WASHC5: variants seen among roughly 807,000 people sequenced by gnomAD.
The protein encoded by WASHC5 is WASH complex subunit strumpellin.
A neutral mutation model predicts 150.4 loss-of-function variants in WASHC5; 101 were observed. The ratio of observed to expected loss-of-function variants is 0.67; its 90% confidence interval spans 0.57 to 0.79. The LOEUF (loss-of-function observed/expected upper bound fraction) is 0.79. Ranked by LOEUF, WASHC5 falls within the 30% of genes least tolerant of loss-of-function variation. The probability of loss-of-function intolerance (pLI) is 0.00; values close to 1 mark genes in which losing one functional copy is unlikely to be tolerated. For missense variants in WASHC5, 1,195 were observed against 1,396.3 expected, an observed-to-expected ratio of 0.86 and a Z score of 2.30; for synonymous variants, 467 against 491.2, an observed-to-expected ratio of 0.95 and a Z score of 0.65.
rs1367560903 is a variant in WASHC5 at position 125,032,232 on chromosome 8, C to A, written c.3335+9G>T. On this transcript the variant is annotated intron_variant, in intron 27 of 28. Coordinates refer to ENST00000318410, the MANE Select transcript of WASHC5 (RefSeq NM_014846.4). ...GAAGTCCCACGTAGTCCTGGTTGGTCTTCTGTACCTTGTACACTGCTCCAC... is the reference window on the plus strand; with the variant it reads ...GAAGTCCCACGTAGTCCTGGTTGGTATTCTGTACCTTGTACACTGCTCCAC... The A allele has an allele frequency of 1.9e-6, 3 of 1,614,088 alleles. No homozygotes were observed. The Admixed American group carries it at 5.0e-5, about 27-fold the overall frequency.
Position 125,083,847 on chromosome 8 carries a change from T to A in WASHC5, c.52A>T (p.Ile18Phe). ...ATGATGGCATTACCACAGGAAACAA[T>A]CCTTAGGATTGCTTGGCCACAGAGG... ...NNLCGQAILRIVSCGNAIIAE... is the reference protein window; with the variant it reads ...NNLCGQAILRFVSCGNAIIAE... The change falls in exon 2 of 29, where the codon ATT becomes TTT. Residue 18 changes from isoleucine to phenylalanine, a missense_variant. This residue lies in a region of WASHC5 where 195 missense variants were observed against 206.9 expected (regional missense o/e 0.94). Coordinates refer to ENST00000318410, the MANE Select transcript of WASHC5 (RefSeq NM_014846.4). 4 of 1,613,938 alleles carry A rather than the reference T, an allele frequency of 2.5e-6. No individual in the cohort carries two copies. The highest frequency in any genetic ancestry group is 3.4e-6 in the Non-Finnish European group (4 of 1,179,964).
intron 14 of WASHC5, among the ~76,000 whole-genome samples, chr8:125,058,730 AAAAGAAG>A (rs1816494764): frequency 6.6e-6 from 1 of 151,964 alleles, no homozygotes; most frequent in African/African-American, 2.4e-5. Flanking sequence ...CTCAAAAAAA[AAAAGAAG>A]AAGAAGAAGA....
At chr8:125,073,634 T>C (rs1196433516) in intron 8 of WASHC5, among the ~76,000 whole-genome samples, 1 of 152,228 alleles carries the variant, frequency 6.6e-6, no homozygotes, top group Non-Finnish European at 1.5e-5. Flanking sequence ...ATATGGACTA[T>C]AGTTCTAGGG....
chr8:125,029,145 C>T lies in WASHC5; in HGVS notation c.3336-438G>A, dbSNP rs141411953. On this transcript the variant is annotated intron_variant, in intron 27 of 28. Transcript: ENST00000318410. Reference sequence around the variant, plus strand: ...CTCCCGGGTTCAAGTGATTCTCCAGCCTCAGCCTCCCGACTGGCTGGGATT... The same window carrying T: ...CTCCCGGGTTCAAGTGATTCTCCAGTCTCAGCCTCCCGACTGGCTGGGATT... Among the ~76,000 whole-genome samples the T allele has an allele frequency of 4.0e-3, 607 of 152,106 alleles. 3 individuals are homozygous for T. The highest frequency in any genetic ancestry group is 0.014 in the African/African-American group (574 of 41,482).
In WASHC5 at chr8:125,083,703, G is replaced by A. The variant is rs1441180820; in HGVS notation, c.186+10C>T. Reference sequence around the variant, plus strand: ...AAGACAACAATAAAAATGCTATAGAGGAAGATTACCTTAAAATAGCTGAAA... The same window carrying A: ...AAGACAACAATAAAAATGCTATAGAAGAAGATTACCTTAAAATAGCTGAAA... On this transcript the variant is annotated intron_variant, in intron 2 of 28. Coordinates refer to ENST00000318410, the MANE Select transcript of WASHC5 (RefSeq NM_014846.4). 6.3e-7 allele frequency: 1 copy of A among 1,596,760 alleles called. No individual in the cohort carries two copies. Among genetic ancestry groups the A allele is most frequent in the Non-Finnish European group, 8.6e-7 (1 of 1,165,448 alleles).
chr8:125,063,661 C>T lies in WASHC5; in HGVS notation c.1279-10G>A, dbSNP rs1473105724. On this transcript the variant is annotated splice_polypyrimidine_tract_variant and intron_variant, in intron 10 of 28. Transcript: ENST00000318410. ...GCATTTGCTTGAACATCTGTTGAAG[C>T]AACAGAAAATATTTATTTACTTAAG... is the stretch of plus-strand genomic sequence containing the variant. 6.2e-7 allele frequency: 1 copy of T among 1,612,756 alleles called. No individual in the cohort carries two copies. Among genetic ancestry groups the T allele is most frequent in the East Asian group, 2.2e-5 (1 of 44,826 alleles).
At chr8:125,034,860 T>C (rs1285411396) in intron 26 of WASHC5, among the ~76,000 whole-genome samples, 1 of 152,192 alleles carries the variant, frequency 6.6e-6, no homozygotes, top group Non-Finnish European at 1.5e-5. Context: ...CAACAAACAC[T>C]TCTACAACTA....
At chr8:125,026,673 T>TTGAGA (rs1397313095) in intron 28 of WASHC5, among the ~76,000 whole-genome samples, 1 of 152,170 alleles carries the variant, frequency 6.6e-6, no homozygotes, top group Non-Finnish European at 1.5e-5. Context: ...CTCTCTTAAT[T>TTGAGA]TGAGATGCTA....
chr8:125,058,716 C>T (rs1816493415), intron 14 of WASHC5, among the ~76,000 whole-genome samples: 1 of 147,514 alleles, frequency 6.8e-6, no homozygotes, highest in South Asian at 2.1e-4. Flanking sequence ...AAGCGAGATT[C>T]CATCTCAAAA....
chr8:125,038,980 G>T (rs1336728163), intron 24 of WASHC5, 21 bp from the exon 25 acceptor site: 3 of 1,611,680 alleles, frequency 1.9e-6, no homozygotes, highest in South Asian at 2.2e-5. Context: ...AAAAACCCTG[G>T]AGATAAACAT....
intron 11 of WASHC5, among the ~76,000 whole-genome samples, chr8:125,061,879 G>C (rs909945801): frequency 6.6e-5 from 10 of 152,184 alleles, no homozygotes; most frequent in African/African-American, 2.2e-4. Flanking sequence ...CAGATAAAGA[G>C]GCTGATGCTC....
At chr8:125,038,166 T>G (rs568322880) in intron 25 of WASHC5, among the ~76,000 whole-genome samples, 1 of 152,312 alleles carries the variant, frequency 6.6e-6, no homozygotes, top group East Asian at 1.9e-4. Flanking sequence ...TAATCTTTTA[T>G]CCAAAACACA....
At chr8:125,025,748 AT>A (rs997225443) in intron 28 of WASHC5, among the ~76,000 whole-genome samples, 1 of 152,052 alleles carries the variant, frequency 6.6e-6, no homozygotes, top group Non-Finnish European at 1.5e-5. Flanking sequence ...TTAAAAAAAT[AT>A]TTTTTTAATC....
At chr8:125,088,443 G>T (rs531048452) in intron 1 of WASHC5, among the ~76,000 whole-genome samples, 4,261 of 150,948 alleles carry the variant, frequency 0.028, 222 homozygotes, top group African/African-American at 0.098. Context: ...AAAAGGGGGA[G>T]GGGGGGAAGG....
Position 125,061,213 on chromosome 8 carries a change from G to A in WASHC5, c.1409-19C>T. 8.0e-7 allele frequency: 1 copy of A among 1,253,124 alleles called. No homozygotes were observed. The allele number at this position is 1,253,124 out of a possible 1,614,324, so 77.6% of individuals were successfully genotyped here. A position where few individuals can be genotyped will look rare whatever the true frequency, so the allele number is the denominator to read the frequency against. On this transcript the variant is annotated intron_variant, in intron 11 of 28. Coordinates refer to ENST00000318410, the MANE Select transcript of WASHC5 (RefSeq NM_014846.4). ...AGGTTTTCTAGTAATACAGAAATAA[G>A]AAAATACTGAAATCCTCGAATTCCT...
intron 25 of WASHC5, among the ~76,000 whole-genome samples, chr8:125,038,247 CACTATAATCAAAGTT>C (rs1286382677): frequency 6.6e-6 from 1 of 152,112 alleles, no homozygotes; most frequent in African/African-American, 2.4e-5. Flanking sequence ...TGGCGTAATG[CACTATAATCAAAGTT>C]ACTATAATCA....
At chr8:125,080,269 A>G (rs1817210177) in intron 5 of WASHC5, among the ~76,000 whole-genome samples, 2 of 151,662 alleles carry the variant, frequency 1.3e-5, no homozygotes, top group South Asian at 4.2e-4. Context: ...TCATAAGCCA[A>G]TATTTTTTTC....
chr8:125,082,012 A>C (rs1370995315), intron 4 of WASHC5, among the ~76,000 whole-genome samples: 1 of 152,242 alleles, frequency 6.6e-6, no homozygotes, highest in Non-Finnish European at 1.5e-5. Context: ...TGCTTGGGAC[A>C]CCAAAATAGC....
intron 9 of WASHC5, 66 bp from the exon 10 acceptor site, chr8:125,067,785 T>C: frequency 6.6e-7 from 1 of 1,522,656 alleles, no homozygotes; most frequent in East Asian, 2.4e-5. Context: ...ATAAGATAAA[T>C]TATTAAATAT....
Sources: allele counts gnomAD v4.1 joint callset (sites outside exome capture counted in the v4.1 genomes callset), GRCh38; gene constraint gnomAD v4.1.1; regional missense constraint gnomAD v4.1.1; transcripts MANE v1.5; gene names NCBI Gene and HGNC (gene_info 2026-07-23, HGNC 2026-07-21).